The following CDH23 variants were observed in gnomAD, a reference collection of about 807,000 sequenced individuals.
CDH23 encodes cadherin-23.
CDH23 carries 189 observed loss-of-function variants against 317.1 expected under a neutral mutation model. The ratio of observed to expected loss-of-function variants is 0.60; its 90% CI spans 0.53 to 0.67. The LOEUF is 0.67. Among genes scored for constraint, CDH23 ranks in the 30% least tolerant of loss-of-function variants. The pLI, the probability that CDH23 is intolerant of heterozygous loss-of-function variation, is 0.00. For missense variants in CDH23, 4,401 were observed against 4,592.4 expected, an observed-to-expected ratio of 0.96 and a Z score of 1.20; for synonymous variants, 1,839 against 1,876.8, an observed-to-expected ratio of 0.98 and a Z score of 0.52.
At chr10:71,550,731 T>C (rs1856551389) in intron 6 of CDH23, among the ~76,000 whole-genome samples, 1 of 152,086 alleles carries the variant, frequency 6.6e-6, no homozygotes, top group Non-Finnish European at 1.5e-5. Context: ...CGTCCCATCC[T>C]CAAGGCCACT....
chr10:71,605,242 C>CT (rs36101075), intron 9 of CDH23, among the ~76,000 whole-genome samples: 6,664 of 147,786 alleles, frequency 0.045, 444 homozygotes, highest in African/African-American at 0.15. Flanking sequence ...TTGTATTGAC[C>CT]TTTTTTTTTT....
intron 31 of CDH23, among the ~76,000 whole-genome samples, 167 bp downstream of exon 31, chr10:71,730,771 T>C (rs954337016): frequency 6.6e-6 from 1 of 152,218 alleles, no homozygotes; most frequent in African/African-American, 2.4e-5. Context: ...TTCCCACCAG[T>C]GGCCCCAGCC....
At chr10:71,707,637 C>A in intron 26 of CDH23, 1 of 672,904 alleles carries the variant, frequency 1.5e-6, no homozygotes, top group Non-Finnish European at 1.8e-6. Flanking sequence ...TAGATGGTGG[C>A]GCACATGCCA....
At chr10:71,408,284 A>C (rs1848201099) in intron 1 of CDH23, among the ~76,000 whole-genome samples, 1 of 152,214 alleles carries the variant, frequency 6.6e-6, no homozygotes, top group African/African-American at 2.4e-5. Context: ...TAGACAAAGC[A>C]TGGCCCTTGT....
intron 8 of CDH23, among the ~76,000 whole-genome samples, chr10:71,571,435 C>G (rs1221985703): frequency 1.3e-5 from 2 of 152,210 alleles, no homozygotes; most frequent in East Asian, 3.9e-4. Context: ...CTTTGGATTT[C>G]TTAAGTCCAG....
intron 38 of CDH23, among the ~76,000 whole-genome samples, chr10:71,776,235 G>A (rs1339698681): frequency 1.3e-5 from 2 of 152,154 alleles, no homozygotes; most frequent in African/African-American, 2.4e-5. Context: ...ATCCAGAGCT[G>A]CATATCAGAG....
chr10:71,486,835 G>A (rs1852378821), intron 3 of CDH23, among the ~76,000 whole-genome samples: 1 of 152,152 alleles, frequency 6.6e-6, no homozygotes, highest in Non-Finnish European at 1.5e-5. Flanking sequence ...GAGCAGGACT[G>A]GGCAGAGGGA....
intron 15 of CDH23, among the ~76,000 whole-genome samples, chr10:71,675,467 A>G (rs1864321145): frequency 6.6e-6 from 1 of 152,194 alleles, no homozygotes; most frequent in Non-Finnish European, 1.5e-5. Flanking sequence ...GCTTTGAAGT[A>G]CTAGCGACAG....
Position 71,812,783 on chromosome 10 carries a change from G to A in CDH23, c.9526G>A (p.Glu3176Lys), listed in dbSNP as rs771915739. Reference protein sequence around the residue: ...PTRTHGTFGREPAAVKPDDDR... With the variant: ...PTRTHGTFGRKPAAVKPDDDR... ...CTCTCCCCAGGGAACTTTTGGGCGT[G>A]AGCCAGCAGCTGTCAAGCCTGATGA... Residue 3176 changes from glutamate to lysine, a missense_variant, in exon 68 of 70, where the codon GAG becomes AAG. Around this residue, in one of 3 missense-constraint regions of CDH23, gnomAD observed 1,144 missense variants for 1,138.2 expected, o/e 1.01. Coordinates refer to ENST00000224721, the MANE Select transcript of CDH23 (RefSeq NM_022124.6). The A allele has an allele frequency of 2.8e-5, 45 of 1,613,142 alleles. No homozygotes were observed. Among genetic ancestry groups the A allele is most frequent in the Non-Finnish European group, 3.6e-5 (42 of 1,179,566 alleles).
At chr10:71,677,065 A>G (rs1008198883) in intron 15 of CDH23, among the ~76,000 whole-genome samples, 1 of 152,142 alleles carries the variant, frequency 6.6e-6, no homozygotes, top group Non-Finnish European at 1.5e-5. Flanking sequence ...CCTGCCCTTC[A>G]CCAGCTGCTT....
At chr10:71,429,469 T>C (rs942043430) in intron 1 of CDH23, among the ~76,000 whole-genome samples, 5 of 152,134 alleles carry the variant, frequency 3.3e-5, no homozygotes, top group African/African-American at 1.2e-4. Context: ...AGACCCCGCA[T>C]GGGTGTGGAC....
chr10:71,810,529 G>C lies in CDH23; in HGVS notation c.9037G>C (p.Val3013Leu), dbSNP rs369776863. 1 of 1,613,978 alleles carries C rather than the reference G, an allele frequency of 6.2e-7. No homozygotes were observed. Among genetic ancestry groups the C allele is most frequent in the South Asian group, 1.1e-5 (1 of 91,082 alleles). ...NFAQTELLIH[V>L]VNRDTNRILD... ...TGCGCAGACAGAACTGCTTATCCAC[G>C]TGGTGAACCGCGATACCAACCGCAT... The change falls in exon 62 of 70, where the codon GTG (valine) becomes CTG (leucine). Residue 3013 changes from valine to leucine, a missense_variant. Around this residue, in one of 3 missense-constraint regions of CDH23, gnomAD observed 1,144 missense variants for 1,138.2 expected, o/e 1.01. Transcript: ENST00000224721.
At position 71,454,848 on chromosome 10, in the gene CDH23, T is replaced by TA. The variant is rs199550536; in HGVS notation, c.145+8453_145+8454insA. Reference sequence around the variant, plus strand: ...TACTATATTTTTTTTACATTTTATTTTTTTTTTTTTTTAGAAACAGGATCC... The same window carrying TA: ...TACTATATTTTTTTTACATTTTATTTATTTTTTTTTTTTAGAAACAGGATCC... On this transcript the variant is annotated intron_variant, in intron 3 of 69. Coordinates refer to ENST00000224721, the MANE Select transcript of CDH23 (RefSeq NM_022124.6). 1.1e-3 allele frequency among the ~76,000 whole-genome samples: 150 copies of TA among 131,642 alleles called. 2 individuals are homozygous for TA. The South Asian group carries it at 0.023, about 20-fold the overall frequency. The allele number at this position is 131,642 out of a possible 152,430, so 86.4% of individuals were successfully genotyped here. A position where few individuals can be genotyped will look rare whatever the true frequency, so the allele number is the denominator to read the frequency against.
At chr10:71,814,713 TACACACAC>T (rs34475820) in intron 69 of CDH23, among the ~76,000 whole-genome samples, 4 of 146,884 alleles carry the variant, frequency 2.7e-5, no homozygotes, top group African/African-American at 7.5e-5. Flanking sequence ...AAGAAGCCGA[TACACACAC>T]ACACACACAC....
At chr10:71,588,397 CT>C (rs1294419309) in intron 9 of CDH23, among the ~76,000 whole-genome samples, 2 of 152,044 alleles carry the variant, frequency 1.3e-5, no homozygotes, top group Admixed American at 1.3e-4. Context: ...GTTTCTTCAT[CT>C]GTGAAATGGG....
In CDH23 at chr10:71,667,359, A is replaced by AGAGAGAGAGTGTGTGTGT. The variant is rs58361666; in HGVS notation, c.1450-7752_1450-7751insAGAGAGAGTGTGTGTGTG. Among the ~76,000 whole-genome samples the AGAGAGAGAGTGTGTGTGT allele has an allele frequency of 9.4e-3, 1,050 of 111,982 alleles. 10 individuals are homozygous for AGAGAGAGAGTGTGTGTGT. The highest frequency in any genetic ancestry group is 0.025 in the South Asian group (74 of 2,922). 73.5% of individuals were successfully genotyped at this position (111,982 alleles called of 152,430 possible). On this transcript the variant is annotated intron_variant, in intron 14 of 69. Coordinates refer to ENST00000224721, the MANE Select transcript of CDH23 (RefSeq NM_022124.6). ...GCTTGAGGCAGAGAAAGAGAGAGAGAGTGTGTGTGTGTGTGTGTGTGTGTG... is the reference window on the plus strand; with the variant it reads ...GCTTGAGGCAGAGAAAGAGAGAGAGAGAGAGAGAGTGTGTGTGTGTGTGTGTGTGTGTGTGTGTGTGTG...
chr10:71,737,783 C>T (rs1458782549), intron 34 of CDH23: 6 of 468,614 alleles, frequency 1.3e-5, no homozygotes, highest in East Asian at 6.9e-5. Flanking sequence ...GCCTCACCCG[C>T]GGCAGGCCTT....
intron 6 of CDH23, among the ~76,000 whole-genome samples, chr10:71,539,517 A>G (rs181257696): frequency 1.3e-5 from 2 of 151,890 alleles, no homozygotes; most frequent in Admixed American, 1.3e-4. Flanking sequence ...GTCAAGCCTG[A>G]TGAACTAAAT....
At chr10:71,737,642 G>A in intron 34 of CDH23, 1 of 464,662 alleles carries the variant, frequency 2.2e-6, no homozygotes, top group Non-Finnish European at 4.4e-6. Context: ...CTGGGGCAGG[G>A]CAGTGGGAGA....
Sources: allele counts gnomAD v4.1 joint callset (sites outside exome capture counted in the v4.1 genomes callset), GRCh38; gene constraint gnomAD v4.1.1; regional missense constraint gnomAD v4.1.1; transcripts MANE v1.5; gene names NCBI Gene and HGNC (gene_info 2026-07-23, HGNC 2026-07-21).